SOBP: variants seen among roughly 807,000 people sequenced by gnomAD.
SOBP encodes the protein sine oculis-binding protein homolog.
SOBP carries 4 observed loss-of-function variants against 53.6 expected under a neutral mutation model. That is an observed-to-expected ratio of 0.07 (90% CI 0.04 to 0.17). SOBP has a LOEUF of 0.17. SOBP is among the 10% of genes least tolerant of loss of function. SOBP has a pLI of 1.00. For missense variants in SOBP, 1,088 were observed against 1,204.7 expected (o/e 0.90, Z 1.43); for synonymous variants, 584 against 522.6 (o/e 1.12, Z -1.60).
intron 3 of SOBP, among the ~76,000 whole-genome samples, chr6:107,532,268 CACACCACA>C (rs1211527018): frequency 2.0e-5 from 3 of 147,948 alleles, no homozygotes; most frequent in Non-Finnish European, 3.0e-5. Flanking sequence ...CACACACACA[CACACCACA>C]CACACACACA....
At chr6:107,499,079 C>T (rs1171232765) in intron 1 of SOBP, among the ~76,000 whole-genome samples, 2 of 152,176 alleles carry the variant, frequency 1.3e-5, no homozygotes, top group Non-Finnish European at 2.9e-5. Context: ...TTAGAAATCT[C>T]TTTATATATG....
At chr6:107,596,976 C>T (rs1338549849) in intron 5 of SOBP, among the ~76,000 whole-genome samples, 1 of 152,176 alleles carries the variant, frequency 6.6e-6, no homozygotes. Flanking sequence ...TCAGACTTAA[C>T]CATGTGAAGT....
At chr6:107,627,944 A>G (rs1770534667) in intron 5 of SOBP, among the ~76,000 whole-genome samples, 1 of 152,206 alleles carries the variant, frequency 6.6e-6, no homozygotes, top group Admixed American at 6.5e-5. Flanking sequence ...TCTTCCCTCA[A>G]GTGAACATTC....
chr6:107,497,796 T>G (rs1036768140), intron 1 of SOBP, among the ~76,000 whole-genome samples: 4 of 152,216 alleles, frequency 2.6e-5, no homozygotes, highest in Admixed American at 1.3e-4. Context: ...AGTTTGTTTC[T>G]AAGAAAACAA....
intron 5 of SOBP, among the ~76,000 whole-genome samples, chr6:107,593,091 GC>G (rs1785817656): frequency 1.3e-5 from 2 of 152,142 alleles, no homozygotes; most frequent in Non-Finnish European, 2.9e-5. Flanking sequence ...CCTCTCTTCA[GC>G]CTGTTGGCTC....
In SOBP at chr6:107,490,386, CT is replaced by C; in HGVS notation, c.-230del. 1 of 330,130 alleles carries C rather than the reference CT, an allele frequency of 3.0e-6. No individual in the cohort carries two copies. The highest frequency in any genetic ancestry group is 5.6e-6 in the Non-Finnish European group (1 of 178,550). The allele number at this position is 330,130 out of a possible 1,614,324, so 20.5% of individuals were successfully genotyped here. A position where few individuals can be genotyped will look rare whatever the true frequency, so the allele number is the denominator to read the frequency against. The stretch of plus-strand genomic sequence containing the variant: ...AGCGACGGCGGCGGCATCCCCGAGA[CT>C]CTCCGCACTATCCTTACCCGTGACA... On this transcript the variant is annotated 5_prime_UTR_variant, in exon 1 of 7. The change creates a premature stop within an existing upstream ORF in the 5' untranslated region. Coordinates refer to ENST00000317357, the MANE Select transcript of SOBP (RefSeq NM_018013.4).
chr6:107,612,921 T>G (rs576796680), intron 5 of SOBP, among the ~76,000 whole-genome samples: 2 of 152,366 alleles, frequency 1.3e-5, no homozygotes, highest in African/African-American at 4.8e-5. Context: ...TAGCAATACT[T>G]CGATACTTTT....
chr6:107,590,240 T>C (rs1416704497), intron 5 of SOBP, among the ~76,000 whole-genome samples: 4 of 152,122 alleles, frequency 2.6e-5, no homozygotes, highest in African/African-American at 4.8e-5. Flanking sequence ...TGCAGAAATA[T>C]AGCATAAGCT....
intron 1 of SOBP, among the ~76,000 whole-genome samples, chr6:107,499,186 T>C (rs1187222816): frequency 8.5e-5 from 13 of 152,176 alleles, no homozygotes; most frequent in Admixed American, 8.5e-4. Context: ...GTACAGAATT[T>C]ATAATAGAAA....
chr6:107,597,458 A>G (rs1785987171), intron 5 of SOBP, among the ~76,000 whole-genome samples: 1 of 152,236 alleles, frequency 6.6e-6, no homozygotes, highest in African/African-American at 2.4e-5. Context: ...AATACAATAT[A>G]TGAGGGCAGA....
In SOBP at chr6:107,633,815, CT is replaced by C; in HGVS notation, c.972del (p.Gly325AlafsTer62). On this transcript the variant is annotated frameshift_variant, in exon 6 of 7. Coordinates refer to ENST00000317357, the MANE Select transcript of SOBP (RefSeq NM_018013.4). LOFTEE classifies it high-confidence loss of function. ...PVATAGQSQG[P>X]GPSASTTVSP... is the part of the protein sequence containing the mutation. Reference sequence around the variant, plus strand: ...GCTACAGCTGGCCAAAGCCAGGGCCCTGGCCCGTCGGCGTCCACCACCGTCT... The same window carrying C: ...GCTACAGCTGGCCAAAGCCAGGGCCCGGCCCGTCGGCGTCCACCACCGTCT... The C allele has an allele frequency of 6.2e-7, 1 of 1,614,128 alleles. No individual in the cohort carries two copies. Among genetic ancestry groups the C allele is most frequent in the Non-Finnish European group, 8.5e-7 (1 of 1,180,020 alleles).
intron 3 of SOBP, among the ~76,000 whole-genome samples, chr6:107,532,102 A>T (rs1376056731): frequency 1.3e-5 from 2 of 152,160 alleles, no homozygotes; most frequent in African/African-American, 4.8e-5. Context: ...GGGGGATTTT[A>T]TCCAGAAATC....
intron 4 of SOBP, among the ~76,000 whole-genome samples, chr6:107,574,098 G>T (rs542711636): frequency 4.5e-4 from 68 of 152,266 alleles, no homozygotes; most frequent in South Asian, 2.7e-3. Flanking sequence ...ATTCTTTGGG[G>T]CCGCAATGAC....
chr6:107,565,570 A>G (rs1226521764), intron 4 of SOBP, among the ~76,000 whole-genome samples: 1 of 152,184 alleles, frequency 6.6e-6, no homozygotes, highest in African/African-American at 2.4e-5. Flanking sequence ...CCATATGGTC[A>G]TCTGAGTAGG....
intron 6 of SOBP, among the ~76,000 whole-genome samples, chr6:107,642,625 C>T (rs1771380254): frequency 6.6e-6 from 1 of 152,154 alleles, no homozygotes; most frequent in African/African-American, 2.4e-5. Flanking sequence ...AGGGCTGGGG[C>T]AAATCAAAGC....
chr6:107,503,734 T>G lies in SOBP; in HGVS notation c.174T>G (p.Asp58Glu). Residue 58 changes from aspartate to glutamate, a missense_variant, in exon 2 of 7, where the codon GAT becomes GAG. Asp to Glu is a conservative substitution (Grantham distance 45, BLOSUM62 2). Coordinates refer to ENST00000317357, the MANE Select transcript of SOBP (RefSeq NM_018013.4). The stretch of plus-strand genomic sequence containing the variant: ...AGGTTGAATTAAAAGATGGTGAGGA[T>G]ATTGAATTCAGGAGCTACCCTACAG... ...YDKVELKDGE[D>E]IEFRSYPTDG... is the part of the protein sequence containing the mutation. The G allele has an allele frequency of 6.2e-7, 1 of 1,614,166 alleles. No homozygotes were observed. Among genetic ancestry groups the G allele is most frequent in the East Asian group, 2.2e-5 (1 of 44,880 alleles).
chr6:107,562,115 C>T (rs1784790380), intron 4 of SOBP, among the ~76,000 whole-genome samples: 1 of 150,918 alleles, frequency 6.6e-6, no homozygotes. Flanking sequence ...ACTGCAACCT[C>T]CGCTTCCCGG....
chr6:107,506,888 T>A (rs553735139), intron 3 of SOBP, among the ~76,000 whole-genome samples: 1 of 152,166 alleles, frequency 6.6e-6, no homozygotes, highest in African/African-American at 2.4e-5. Context: ...AAACCCCATG[T>A]CTACTAAAAA....
Position 107,634,210 on chromosome 6 carries a change from C to T in SOBP, c.1366C>T (p.Leu456=), listed in dbSNP as rs1448061410. ...TTCCAGCCCCATGCACCGGCCCATG[C>T]TATCGCCCCACATCCACCCCCCGAG... ...PTSSPMHRPM[L]SPHIHPPSTP... The change falls in exon 6 of 7, where the codon CTA becomes TTA. Residue 456 remains leucine, a synonymous_variant. Transcript: ENST00000317357. This position sits in a 1 kb window ranked among gnomAD's most constrained non-coding sequence, Gnocchi z 4.5. 1 of 1,600,572 alleles carries T rather than the reference C, an allele frequency of 6.2e-7. No individual in the cohort carries two copies. Among genetic ancestry groups the T allele is most frequent in the Non-Finnish European group, 8.5e-7 (1 of 1,176,528 alleles).
Sources: allele counts gnomAD v4.1 joint callset (sites outside exome capture counted in the v4.1 genomes callset), GRCh38; gene constraint gnomAD v4.1.1; non-coding constraint Gnocchi (gnomAD v3.1); transcripts MANE v1.5; gene names NCBI Gene and HGNC (gene_info 2026-07-23, HGNC 2026-07-21).